CRYBG1: variants seen among roughly 807,000 people sequenced by gnomAD.
The protein encoded by CRYBG1 is crystallin beta-gamma domain containing 1, also known as beta/gamma crystallin domain-containing protein 1.
Under a neutral mutation model 189.2 loss-of-function variants are expected in CRYBG1, and 139 were observed. That is an observed-to-expected ratio of 0.73 (90% CI 0.64 to 0.85). CRYBG1 has a LOEUF of 0.85. Ranked by LOEUF, CRYBG1 falls within the 40% of genes least tolerant of loss-of-function variation. The pLI is 0.00. For missense variants in CRYBG1, 2,611 were observed against 2,675.8 expected (o/e 0.98, Z 0.53); for synonymous variants, 1,023 against 1,017.1 (o/e 1.01, Z -0.11).
intron 3 of CRYBG1, among the ~76,000 whole-genome samples, chr6:106,514,049 G>A (rs1285990994): frequency 2.0e-5 from 3 of 152,306 alleles, no homozygotes; most frequent in East Asian, 3.9e-4. Flanking sequence ...GATATCTGAT[G>A]AAACTGCCAA....
chr6:106,394,658 A>G (rs1444949641), intron 1 of CRYBG1, among the ~76,000 whole-genome samples: 1 of 152,226 alleles, frequency 6.6e-6, no homozygotes, highest in Non-Finnish European at 1.5e-5. Flanking sequence ...TTAAACAAGT[A>G]TGTTAAGTTT....
chr6:106,500,367 T>C (rs1475864716), intron 2 of CRYBG1, among the ~76,000 whole-genome samples: 1 of 151,392 alleles, frequency 6.6e-6, no homozygotes, highest in Non-Finnish European at 1.5e-5. Context: ...TGTGAAGTGA[T>C]AGTTCATTAT....
intron 2 of CRYBG1, among the ~76,000 whole-genome samples, chr6:106,489,985 T>C (rs770937130): frequency 2.0e-5 from 3 of 152,152 alleles, no homozygotes; most frequent in African/African-American, 4.8e-5. Context: ...AAAATGTGCA[T>C]AGGTGAAGAA....
intron 1 of CRYBG1, among the ~76,000 whole-genome samples, chr6:106,400,156 A>G (rs12209423): frequency 4.7e-4 from 67 of 143,972 alleles, no homozygotes; most frequent in East Asian, 2.3e-3. Flanking sequence ...AAAAAAAAAA[A>G]AGAGAGAGAG....
Position 106,570,025 on chromosome 6 carries a change from A to T in CRYBG1, c.*1459A>T, listed in dbSNP as rs1467856802. ...ATTTCAAAATGCAAACAAACTGCTT[A>T]ACAACTGACAAGACACCAGCCCATA... On this transcript the variant is annotated 3_prime_UTR_variant, in exon 22 of 22. Transcript: ENST00000633556. 1 of 152,280 alleles carries T rather than the reference A, an allele frequency of 6.6e-6. No homozygotes were observed. The allele number at this position is 152,280 out of a possible 1,614,324, so 9.4% of individuals were successfully genotyped here.
At chr6:106,388,543 A>G (rs916121594) in intron 1 of CRYBG1, among the ~76,000 whole-genome samples, 1 of 152,182 alleles carries the variant, frequency 6.6e-6, no homozygotes, top group Admixed American at 6.5e-5. Flanking sequence ...ATGTAATTTT[A>G]TGTGTGTTAA....
chr6:106,407,805 A>C (rs1770853826), intron 1 of CRYBG1, among the ~76,000 whole-genome samples: 1 of 152,178 alleles, frequency 6.6e-6, no homozygotes, highest in Non-Finnish European at 1.5e-5. Context: ...GGCAGAAATA[A>C]ATAAGTTCTC....
chr6:106,428,699 T>C (rs935614974), intron 1 of CRYBG1, among the ~76,000 whole-genome samples: 1 of 152,232 alleles, frequency 6.6e-6, no homozygotes, highest in African/African-American at 2.4e-5. Flanking sequence ...ATGTAAGGTC[T>C]TCTGATACCA....
intron 1 of CRYBG1, among the ~76,000 whole-genome samples, chr6:106,433,308 A>G (rs367756557): frequency 6.6e-6 from 1 of 152,200 alleles, no homozygotes; most frequent in East Asian, 1.9e-4. Flanking sequence ...GACAATCTTC[A>G]TACTGTGCAC....
chr6:106,555,192 GA>G (rs71012714), intron 16 of CRYBG1, among the ~76,000 whole-genome samples: 9,301 of 143,130 alleles, frequency 0.065, 808 homozygotes, highest in African/African-American at 0.2. Flanking sequence ...AGAAAAAAAG[GA>G]AAAAAAAAAA....
chr6:106,473,761 A>G (rs548308288), intron 2 of CRYBG1, among the ~76,000 whole-genome samples: 81 of 152,338 alleles, frequency 5.3e-4, no homozygotes, highest in Non-Finnish European at 9.7e-4. Context: ...TGAGGATAAG[A>G]GTAAGTCTTC....
At chr6:106,443,066 A>G (rs1771594562) in intron 1 of CRYBG1, among the ~76,000 whole-genome samples, 1 of 152,218 alleles carries the variant, frequency 6.6e-6, no homozygotes, top group South Asian at 2.1e-4. Flanking sequence ...GAATAACTGG[A>G]ATCTTACTAA....
chr6:106,480,440 A>G (rs138687572), intron 2 of CRYBG1, among the ~76,000 whole-genome samples: 2,367 of 151,638 alleles, frequency 0.016, 68 homozygotes, highest in African/African-American at 0.054. Flanking sequence ...CGAGGCAGGC[A>G]GATCACGACG....
chr6:106,369,384 T>C (rs1769969140), intron 1 of CRYBG1, among the ~76,000 whole-genome samples: 1 of 152,158 alleles, frequency 6.6e-6, no homozygotes, highest in Non-Finnish European at 1.5e-5. Flanking sequence ...GCTGGTTGTG[T>C]TTATTGTTTG....
At chr6:106,384,000 A>G (rs803532) in intron 1 of CRYBG1, among the ~76,000 whole-genome samples, 57,726 of 152,124 alleles carry the variant, frequency 0.38, 11,217 homozygotes, top group South Asian at 0.53. Context: ...CTAACAAAGC[A>G]AGTCTTCCTG....
At position 106,544,936 on chromosome 6, in the gene CRYBG1, A is replaced by C; in HGVS notation, c.5312+3A>C. 6.3e-7 allele frequency: 1 copy of C among 1,592,338 alleles called. No homozygotes were observed. Among genetic ancestry groups the C allele is most frequent in the East Asian group, 2.2e-5 (1 of 44,758 alleles). On this transcript the variant is annotated splice_donor_region_variant and intron_variant, in intron 13 of 21. Transcript: ENST00000633556. ...TCTATTAATGTACTGAGTGGAGTGT[A>C]AGTGAAATAATCCAGTTGGAATTTT...
In CRYBG1 at chr6:106,551,973, T is replaced by C. The variant is rs777090649; in HGVS notation, c.5434T>C (p.Cys1812Arg). ...TAAGATCTCTTCTGTTCAACCTATA[T>C]GTTTGGTAAGGAGTTATATTTTTGT... The part of the protein sequence containing the change: ...NCKISSVQPI[C>R]LDSFTGPRRR... Residue 1812 changes from cysteine to arginine, a missense_variant, in exon 14 of 22, where the codon TGT becomes CGT. Physicochemically the swap from Cys to Arg is radical, Grantham distance 180. This residue lies in a region of CRYBG1 where 1,622 missense variants were observed against 1,735.0 expected (regional missense o/e 0.93). Transcript: ENST00000633556. 1.9e-6 allele frequency: 3 copies of C among 1,600,372 alleles called. No homozygotes were observed. Among genetic ancestry groups the C allele is most frequent in the Non-Finnish European group, 8.5e-7 (1 of 1,174,448 alleles).
intron 1 of CRYBG1, among the ~76,000 whole-genome samples, chr6:106,434,578 A>G (rs190591215): frequency 3.9e-4 from 60 of 152,328 alleles, no homozygotes; most frequent in Admixed American, 6.5e-4. Context: ...GACTCCTAAA[A>G]CAGAGGTTGG....
Position 106,430,426 on chromosome 6 carries a change from G to T in CRYBG1, c.174-21268G>T, listed in dbSNP as rs1223374691. On this transcript the variant is annotated intron_variant, in intron 1 of 21. Coordinates refer to ENST00000633556, the MANE Select transcript of CRYBG1 (RefSeq NM_001371242.2). Reference sequence around the variant, plus strand: ...AAACAGAAAAAAAAAGAAAGAAAAAGGATTTTAGCACAAGGCTATGTGACT... The same window carrying T: ...AAACAGAAAAAAAAAGAAAGAAAAATGATTTTAGCACAAGGCTATGTGACT... Among the ~76,000 whole-genome samples, 8 of 152,208 alleles carry T rather than the reference G, an allele frequency of 5.3e-5. No individual in the cohort carries two copies. In the East Asian group the frequency reaches 1.3e-3, roughly 26 times the overall value.
Sources: gnomAD v4.1 joint callset for allele counts (sites outside exome capture counted in the v4.1 genomes callset) on GRCh38, gnomAD v4.1.1 for gene constraint, gnomAD v4.1.1 regional missense constraint, MANE v1.5 for transcripts, NCBI Gene and HGNC (gene_info 2026-07-23, HGNC 2026-07-21) for gene names.